MTAP: variants seen among roughly 807,000 people sequenced by gnomAD.
MTAP encodes S-methyl-5'-thioadenosine phosphorylase.
MTAP carries 33 observed loss-of-function variants against 33.6 expected under a neutral mutation model. The observed-to-expected ratio is 0.98, with a 90% CI of 0.74 to 1.31. The LOEUF (loss-of-function observed/expected upper bound fraction) is 1.31. MTAP is among the 40% of genes most tolerant of loss of function. MTAP has a pLI of 0.00. For synonymous variants in MTAP, 148 were observed against 125.7 expected (o/e 1.18, Z -1.19); for missense variants, 367 against 360.0 (o/e 1.02, Z -0.16).
intron 1 of MTAP, among the ~76,000 whole-genome samples, chr9:21,923,240 C>T (rs981469575): frequency 3.9e-5 from 6 of 152,212 alleles, no homozygotes; most frequent in African/African-American, 1.2e-4. Flanking sequence ...CTTCCAGCTC[C>T]TTATGACTTA....
rs773591451 is a variant in MTAP, at chr9:21,837,951, T to C, written c.391T>C (p.Cys131Arg). 1 of 1,614,022 alleles carries C rather than the reference T, an allele frequency of 6.2e-7. No homozygotes were observed. The highest frequency in any genetic ancestry group is 2.2e-5 in the East Asian group (1 of 44,892). Reference protein sequence around the residue: ...PQSFYDGSHSCARGVCHIPMA... With the variant: ...PQSFYDGSHSRARGVCHIPMA... ...GTCCTTCTATGATGGAAGTCATTCTTGTGCCAGAGGAGTGTGCCATATTCC... is the reference window on the plus strand; with the variant it reads ...GTCCTTCTATGATGGAAGTCATTCTCGTGCCAGAGGAGTGTGCCATATTCC... The change falls in exon 5 of 8, where the codon TGT becomes CGT. Residue 131 changes from cysteine to arginine, a missense_variant. Transcript: ENST00000644715.
intron 1 of MTAP, among the ~76,000 whole-genome samples, chr9:21,924,206 G>T (rs1012043813): frequency 2.0e-5 from 3 of 152,034 alleles, no homozygotes; most frequent in East Asian, 1.9e-4. Context: ...AGGATAATAG[G>T]GAAATAAAAG....
chr9:21,914,866 A>G (rs1818648967), intron 1 of MTAP, among the ~76,000 whole-genome samples: 2 of 151,812 alleles, frequency 1.3e-5, no homozygotes. Context: ...AGAAAAAAAA[A>G]GAAATTGCCT....
chr9:21,834,000 T>G (rs1392209863), intron 4 of MTAP, among the ~76,000 whole-genome samples: 3 of 151,694 alleles, frequency 2.0e-5, no homozygotes, highest in South Asian at 4.2e-4. Context: ...CCATAGGCTG[T>G]TTTTTTTTAT....
At chr9:21,851,471 A>G (rs561461734) in intron 5 of MTAP, among the ~76,000 whole-genome samples, 4 of 152,338 alleles carry the variant, frequency 2.6e-5, no homozygotes, top group South Asian at 2.1e-4. Context: ...TGCTAACTTT[A>G]TGTAGTAGTA....
chr9:21,821,575 T>A (rs1340620714), intron 4 of MTAP, among the ~76,000 whole-genome samples: 1 of 152,210 alleles, frequency 6.6e-6, no homozygotes, highest in African/African-American at 2.4e-5. Flanking sequence ...GGGATATTGG[T>A]CTAAAATTGT....
At chr9:21,871,348 C>G (rs995903242), downstream of MTAP, among the ~76,000 whole-genome samples, 31 of 152,182 alleles carry the variant, frequency 2.0e-4, no homozygotes, top group African/African-American at 7.2e-4. Context: ...TGTCTCTGGC[C>G]TTTTGTAAGT....
intron 4 of MTAP, among the ~76,000 whole-genome samples, chr9:21,820,493 T>C (rs1197103828): frequency 2.6e-5 from 4 of 152,190 alleles, no homozygotes; most frequent in Non-Finnish European, 5.9e-5. Context: ...TTCTGTTCCA[T>C]TGGTCTATAT....
chr9:21,910,392 G>A (rs1057172514), intron 1 of MTAP, among the ~76,000 whole-genome samples: 1 of 152,196 alleles, frequency 6.6e-6, no homozygotes, highest in African/African-American at 2.4e-5. Flanking sequence ...GTAGGTAAGT[G>A]TGATCATCAG....
chr9:21,803,024 A>T (rs889779351), intron 1 of MTAP: 3 of 1,037,288 alleles, frequency 2.9e-6, no homozygotes, highest in Non-Finnish European at 3.9e-6. Flanking sequence ...ACACACACAC[A>T]CACACACACA....
chr9:21,867,507 A>G (rs767421331), downstream of MTAP, among the ~76,000 whole-genome samples: 1 of 152,158 alleles, frequency 6.6e-6, no homozygotes, highest in Non-Finnish European at 1.5e-5. Context: ...GATATAAACC[A>G]TACTTAGTCA....
intron 1 of MTAP, among the ~76,000 whole-genome samples, chr9:21,877,116 T>C (rs1826023178): frequency 6.6e-6 from 1 of 152,112 alleles, no homozygotes; most frequent in African/African-American, 2.4e-5. Context: ...ATTCTTCTTG[T>C]GGCAGTTGTG....
chr9:21,837,994 GC>G lies in MTAP; in HGVS notation c.438del (p.Thr148ArgfsTer6). On this transcript the variant is annotated frameshift_variant, in exon 5 of 8. Coordinates refer to ENST00000644715, the MANE Select transcript of MTAP (RefSeq NM_002451.4). LOFTEE classifies it high-confidence loss of function. The part of the protein sequence containing the change: ...VCHIPMAEPF[C>X]PKTREVLIET... ...CATATTCCAATGGCTGAGCCGTTTTGCCCCAAAACGAGAGAGGTGTGTAGTC... is the reference window on the plus strand; with the variant it reads ...CATATTCCAATGGCTGAGCCGTTTTGCCCAAAACGAGAGAGGTGTGTAGTC... 2 of 1,613,928 alleles carry G rather than the reference GC, an allele frequency of 1.2e-6. No homozygotes were observed. The highest frequency in any genetic ancestry group is 8.5e-7 in the Non-Finnish European group (1 of 1,179,870).
chr9:21,916,962 G>C (rs1438151134), intron 1 of MTAP, among the ~76,000 whole-genome samples: 1 of 152,196 alleles, frequency 6.6e-6, no homozygotes, highest in East Asian at 1.9e-4. Context: ...AGACTAGTGT[G>C]ATAGAAGTCA....
chr9:21,903,743 A>G (rs1260704940), intron 1 of MTAP, among the ~76,000 whole-genome samples: 2 of 152,250 alleles, frequency 1.3e-5, no homozygotes, highest in South Asian at 2.1e-4. Context: ...CTGCTGCTCA[A>G]ACCTCTAGGG....
At chr9:21,914,685 T>G (rs10124757) in intron 1 of MTAP, among the ~76,000 whole-genome samples, 3 of 151,038 alleles carry the variant, frequency 2.0e-5, no homozygotes, top group Non-Finnish European at 1.5e-5. Context: ...ATGTAAATGA[T>G]GAGTTAATGG....
intron 1 of MTAP, among the ~76,000 whole-genome samples, chr9:21,877,380 A>T (rs1441140293): frequency 6.6e-6 from 1 of 152,154 alleles, no homozygotes; most frequent in Non-Finnish European, 1.5e-5. Context: ...TCCAGCCAGG[A>T]CATCCAATGC....
At chr9:21,819,321 T>C (rs976844132) in intron 4 of MTAP, among the ~76,000 whole-genome samples, 2 of 152,094 alleles carry the variant, frequency 1.3e-5, no homozygotes, top group African/African-American at 4.8e-5. Flanking sequence ...CCCTGGTGTG[T>C]GATGTTCCCC....
rs148579196 is a variant in MTAP at position 21,854,830 on chromosome 9, T to C, written c.650T>C (p.Met217Thr). The C allele has an allele frequency of 3.7e-6, 6 of 1,614,060 alleles. No homozygotes were observed. Among genetic ancestry groups the C allele is most frequent in the Non-Finnish European group, 5.1e-6 (6 of 1,180,006 alleles). ...GGAATTTGTTACGCAAGTATCGCCA[T>C]GGCGACAGATTATGACTGCTGGAAG... ...EAGICYASIA[M>T]ATDYDCWKEH... is the part of the protein sequence containing the mutation. The change falls in exon 6 of 8, where the codon ATG (methionine) becomes ACG (threonine). Residue 217 changes from methionine to threonine, a missense_variant. By Grantham distance (81) the Met-to-Thr change is moderately conservative. Transcript: ENST00000644715.
Sources: allele counts gnomAD v4.1 joint callset (sites outside exome capture counted in the v4.1 genomes callset), GRCh38; gene constraint gnomAD v4.1.1; transcripts MANE v1.5; gene names NCBI Gene and HGNC (gene_info 2026-07-23, HGNC 2026-07-21).